Variants in IPO5 observed in about 807,000 individuals in gnomAD.
IPO5 encodes importin 5.
Under a neutral mutation model 143.3 loss-of-function variants are expected in IPO5, and 18 were observed. The observed-to-expected ratio is 0.13, with a 90% CI of 0.09 to 0.19. IPO5 has a LOEUF of 0.19. IPO5 is among the 10% of genes least tolerant of loss of function. The pLI is 1.00. For synonymous variants in IPO5, 477 were observed against 465.7 expected (o/e 1.02, Z -0.31); for missense variants, 1,013 against 1,336.9 (o/e 0.76, Z 3.78).
At chr13:98,019,996 TAA>T in intron 27 of IPO5, 187 bp downstream of exon 27, 1 of 478,978 alleles carries the variant, frequency 2.1e-6, no homozygotes, top group Non-Finnish European at 3.7e-6. Context: ...ATTGCCCTTA[TAA>T]TAAGGTCTAA....
At chr13:97,995,571 CTG>C (rs745431517) in intron 11 of IPO5, among the ~76,000 whole-genome samples, 2 of 151,056 alleles carry the variant, frequency 1.3e-5, no homozygotes, top group South Asian at 2.1e-4. Context: ...CTGGCTAACA[CTG>C]TGAAACCCCG....
At chr13:98,008,487 C>A (rs1178201963) in intron 18 of IPO5, among the ~76,000 whole-genome samples, 1 of 152,160 alleles carries the variant, frequency 6.6e-6, no homozygotes, top group Non-Finnish European at 1.5e-5. Context: ...ATTCATTTAT[C>A]CAACATGTAA....
In IPO5 at chr13:97,992,994, A is replaced by T; in HGVS notation, c.772A>T (p.Thr258Ser). 1 of 1,613,710 alleles carries T rather than the reference A, an allele frequency of 6.2e-7. No individual in the cohort carries two copies. Among genetic ancestry groups the T allele is most frequent in the Non-Finnish European group, 8.5e-7 (1 of 1,179,706 alleles). Residue 258 changes from threonine (T) to serine (S), a missense_variant, in exon 10 of 29, where the codon ACT becomes TCT. Around this residue, in one of 2 missense-constraint regions of IPO5, gnomAD observed 328 missense variants for 342.0 expected, o/e 0.96. Transcript: ENST00000651721. ...PKYLRPHLEA[T>S]LQLSLKLCGD... is the part of the protein sequence containing the mutation. ...GTATTTGCGTCCTCACTTGGAAGCA[A>T]CTCTACAGCTAAGTCTAAAGGTAAA...
chr13:97,990,536 A>G lies in IPO5; in HGVS notation c.668A>G (p.Gln223Arg). 1 of 1,514,886 alleles carries G rather than the reference A, an allele frequency of 6.6e-7. No individual in the cohort carries two copies. Among genetic ancestry groups the G allele is most frequent in the Non-Finnish European group, 9.0e-7 (1 of 1,108,016 alleles). 93.8% of individuals were successfully genotyped at this position (1,514,886 alleles called of 1,614,324 possible). The part of the protein sequence containing the change: ...HFADLLPGFL[Q>R]AVNDSCYQND... The stretch of plus-strand genomic sequence containing the variant: ...GCAGACTTGCTACCGGGATTCCTAC[A>G]GGTATGAAAGCAATATAGAATAAAT... The change falls in exon 9 of 29, where the codon CAG becomes CGG. Residue 223 changes from glutamine (Q) to arginine (R), a missense_variant and splice_region_variant. Physicochemically the swap from Gln to Arg is conservative, Grantham distance 43. Coordinates refer to ENST00000651721, the MANE Select transcript of IPO5 (RefSeq NM_002271.6).
At chr13:97,999,226 G>A (rs1270346718) in intron 12 of IPO5, among the ~76,000 whole-genome samples, 1 of 152,140 alleles carries the variant, frequency 6.6e-6, no homozygotes, top group Non-Finnish European at 1.5e-5. Context: ...AAAAATTAAA[G>A]ATTTTTGGCT....
chr13:97,992,872 T>C lies in IPO5; in HGVS notation c.670-20T>C. The C allele has an allele frequency of 8.8e-6, 14 of 1,595,764 alleles. No homozygotes were observed. The highest frequency in any genetic ancestry group is 1.2e-5 in the Non-Finnish European group (14 of 1,168,410). Reference sequence around the variant, plus strand: ...ATAAAGTGAATCTTCAGCACCGACTTTCTGTTTCATCTTTTCTAGGCGGTA... The same window carrying C: ...ATAAAGTGAATCTTCAGCACCGACTCTCTGTTTCATCTTTTCTAGGCGGTA... On this transcript the variant is annotated intron_variant, in intron 9 of 28. Transcript: ENST00000651721.
rs754925119 is a variant in IPO5 at position 98,018,661 on chromosome 13, C to T, written c.2793C>T (p.Val931=). The change falls in exon 26 of 29, where the codon GTC becomes GTT. Residue 931 remains valine, a synonymous_variant. Transcript: ENST00000651721. ...AAGCAGCTGCATATGGCCTGGGAGTCATGGCACAGTACGGTGGAGATAATT... is the reference window on the plus strand; with the variant it reads ...AAGCAGCTGCATATGGCCTGGGAGTTATGGCACAGTACGGTGGAGATAATT... ...VRQAAAYGLG[V]MAQYGGDNYR... The T allele has an allele frequency of 2.5e-6, 4 of 1,614,074 alleles. No individual in the cohort carries two copies. The highest frequency in any genetic ancestry group is 2.5e-6 in the Non-Finnish European group (3 of 1,180,040).
At chr13:97,961,445 C>T (rs937573016) in intron 2 of IPO5, among the ~76,000 whole-genome samples, 3 of 152,316 alleles carry the variant, frequency 2.0e-5, no homozygotes, top group Non-Finnish European at 4.4e-5. Context: ...GATTCTCATG[C>T]CTCAGCCTCT....
At chr13:98,002,841 G>A in intron 15 of IPO5, 23 bp from the exon 16 acceptor site, 2 of 1,604,060 alleles carry the variant, frequency 1.2e-6, no homozygotes, top group Non-Finnish European at 1.7e-6. Context: ...CAACATGTGT[G>A]CCCATTTGGT....
intron 9 of IPO5, among the ~76,000 whole-genome samples, chr13:97,992,567 T>TA (rs1449491630): frequency 5.3e-5 from 8 of 151,978 alleles, no homozygotes; most frequent in Admixed American, 1.3e-4. Context: ...ACTGAAAAAA[T>TA]AAAAGGACAA....
intron 3 of IPO5, chr13:97,976,060 G>A (rs1759312543): frequency 2.8e-6 from 2 of 705,970 alleles, no homozygotes; most frequent in South Asian, 1.3e-4. Flanking sequence ...CTGGATCCCA[G>A]GGAGCGAGGG....
At chr13:98,017,406 C>T (rs1890194051) in intron 25 of IPO5, among the ~76,000 whole-genome samples, 2 of 151,830 alleles carry the variant, frequency 1.3e-5, no homozygotes, top group Non-Finnish European at 2.9e-5. Flanking sequence ...AATCTCGGCT[C>T]ACTGCAACCT....
At position 97,990,440 on chromosome 13, in the gene IPO5, C is replaced by A; in HGVS notation, c.572C>A (p.Thr191Lys). The A allele has an allele frequency of 1.3e-6, 2 of 1,595,138 alleles. No homozygotes were observed. Among genetic ancestry groups the A allele is most frequent in the Non-Finnish European group, 1.7e-6 (2 of 1,171,998 alleles). ...TTTTCCTCTTGATTTTAGATCAGGA[C>A]GTTATCTGCTAGAGCTACAGCTGCA... ...MQDQEHPSIR[T>K]LSARATAAFI... The change falls in exon 9 of 29, where the codon ACG (threonine) becomes AAG (lysine). Residue 191 changes from threonine to lysine, a missense_variant. Thr to Lys is a moderately conservative substitution (Grantham distance 78). Transcript: ENST00000651721.
rs1886910949 is a variant in IPO5, at chr13:97,982,239, A to C, written c.91-264A>C. The C allele has an allele frequency of 8.6e-6, 3 of 347,778 alleles. No individual in the cohort carries two copies. The South Asian group carries it at 1.9e-4, about 22-fold the overall frequency. The allele number at this position is 347,778 out of a possible 1,614,324, so 21.5% of individuals were successfully genotyped here. ...CCCTCTTAGGCCTTGAGTTTTGTTA[A>C]CCAGGGAGCATAAGTTGGGAAAACA... On this transcript the variant is annotated intron_variant, in intron 4 of 28. Transcript: ENST00000651721.
intron 11 of IPO5, among the ~76,000 whole-genome samples, 175 bp downstream of exon 11, chr13:97,993,400 G>C (rs897822911): frequency 2.0e-5 from 3 of 152,200 alleles, no homozygotes; most frequent in Admixed American, 1.3e-4. Context: ...CCACATTGTG[G>C]TTATGCCTTT....
chr13:97,967,123 C>G (rs1772025866), intron 2 of IPO5, among the ~76,000 whole-genome samples: 4 of 152,196 alleles, frequency 2.6e-5, no homozygotes, highest in Non-Finnish European at 5.9e-5. Context: ...TCGTGAATCA[C>G]TTTTGATTTG....
intron 3 of IPO5, among the ~76,000 whole-genome samples, chr13:97,975,278 C>G (rs1349206057): frequency 6.6e-6 from 1 of 151,852 alleles, no homozygotes; most frequent in East Asian, 1.9e-4. Flanking sequence ...CGCCTGAGGT[C>G]AGGAGTTCGA....
At chr13:97,977,419 TTC>T (rs1886469030) in intron 4 of IPO5, among the ~76,000 whole-genome samples, 1 of 152,222 alleles carries the variant, frequency 6.6e-6, no homozygotes, top group South Asian at 2.1e-4. Context: ...TAGGGTTTCT[TTC>T]TATGCAGTTT....
intron 4 of IPO5, among the ~76,000 whole-genome samples, chr13:97,979,189 T>G (rs183809360): frequency 2.5e-3 from 374 of 152,308 alleles, no homozygotes; most frequent in African/African-American, 8.8e-3. Context: ...ATATTTTCTA[T>G]GAACTGAAAA....
Sources: allele counts gnomAD v4.1 joint callset (sites outside exome capture counted in the v4.1 genomes callset), GRCh38; gene constraint gnomAD v4.1.1; regional missense constraint gnomAD v4.1.1; transcripts MANE v1.5; gene names NCBI Gene and HGNC (gene_info 2026-07-23, HGNC 2026-07-21).